Variants in NTM observed in about 807,000 individuals in gnomAD.
NTM encodes IgLON family member 2.
A neutral mutation model predicts 42.1 loss-of-function variants in NTM; 13 were observed. The observed-to-expected ratio is 0.31, with a 90% CI of 0.20 to 0.49. The LOEUF (loss-of-function observed/expected upper bound fraction) is 0.49. NTM is among the 20% of genes least tolerant of loss of function. The pLI, the probability that NTM is intolerant of heterozygous loss-of-function variation, is 0.99. For synonymous variants in NTM, 187 were observed against 179.2 expected, an observed-to-expected ratio of 1.04 and a Z score of -0.35; for missense variants, 373 against 452.8, an observed-to-expected ratio of 0.82 and a Z score of 1.60.
intron 1 of NTM, among the ~76,000 whole-genome samples, chr11:131,522,519 T>A (rs1379377622): frequency 6.6e-6 from 1 of 152,224 alleles, no homozygotes. Context: ...TATGTGTTTC[T>A]GTAAAACAGA....
At chr11:131,831,766 C>T (rs1275549303) in intron 1 of NTM, among the ~76,000 whole-genome samples, 1 of 151,992 alleles carries the variant, frequency 6.6e-6, no homozygotes, top group Non-Finnish European at 1.5e-5. Flanking sequence ...GATACTTTGA[C>T]TTTGGATCTA....
intron 2 of NTM, among the ~76,000 whole-genome samples, chr11:132,064,455 C>A (rs1790170): frequency 0.67 from 101,209 of 152,014 alleles, 34,956 homozygotes; most frequent in African/African-American, 0.82. Flanking sequence ...TATGTCAAAC[C>A]CAATCTCTCA....
intron 4 of NTM, among the ~76,000 whole-genome samples, chr11:132,234,242 G>T (rs909354521): frequency 2.6e-5 from 4 of 152,144 alleles, no homozygotes; most frequent in African/African-American, 4.8e-5. Context: ...TGGTTGCTTT[G>T]TTTCTGTAGC....
chr11:131,370,980 G>A (rs1941087590), intron 1 of NTM, 92 bp downstream of exon 1: 1 of 1,574,580 alleles, frequency 6.4e-7, no homozygotes, highest in Admixed American at 1.9e-5. Flanking sequence ...CGGCTGTGCT[G>A]CGCTGTTTGC....
At chr11:131,940,574 CTG>C (rs1227858738) in intron 2 of NTM, among the ~76,000 whole-genome samples, 3 of 152,184 alleles carry the variant, frequency 2.0e-5, no homozygotes, top group African/African-American at 2.4e-5. Flanking sequence ...TCCAGTTAAC[CTG>C]AGCTAGAGAC....
intron 1 of NTM, among the ~76,000 whole-genome samples, chr11:131,551,632 G>A (rs2054683175): frequency 1.3e-5 from 2 of 152,172 alleles, no homozygotes; most frequent in Admixed American, 6.5e-5. Context: ...ACATCCTTGT[G>A]TATGTTCAAG....
chr11:131,591,240 A>C (rs544351375), intron 1 of NTM, among the ~76,000 whole-genome samples: 120 of 152,328 alleles, frequency 7.9e-4, no homozygotes, highest in African/African-American at 2.8e-3. Flanking sequence ...TCGCAGAACC[A>C]GAAGGCTCAG....
chr11:132,048,906 G>A (rs1289707065), intron 2 of NTM, among the ~76,000 whole-genome samples: 2 of 151,422 alleles, frequency 1.3e-5, no homozygotes, highest in Admixed American at 6.6e-5. Flanking sequence ...TGCTGGATCG[G>A]GGCTTCTGAA....
At chr11:131,694,907 TCGCTCA>T (rs2075249218) in intron 1 of NTM, among the ~76,000 whole-genome samples, 1 of 152,114 alleles carries the variant, frequency 6.6e-6, no homozygotes, top group Admixed American at 6.5e-5. Context: ...CCCTTGGGAC[TCGCTCA>T]GCGCCCTCGC....
intron 1 of NTM, among the ~76,000 whole-genome samples, chr11:131,768,764 ATTG>A (rs1008664585): frequency 6.6e-6 from 1 of 152,140 alleles, no homozygotes; most frequent in Non-Finnish European, 1.5e-5. Flanking sequence ...TGGGAACTCT[ATTG>A]TTATTATTAT....
intron 2 of NTM, among the ~76,000 whole-genome samples, chr11:131,921,912 A>G (rs2057279675): frequency 6.6e-6 from 1 of 152,008 alleles, no homozygotes; most frequent in South Asian, 2.1e-4. Flanking sequence ...ATCGTTTTCT[A>G]GATTCATATC....
intron 6 of NTM, among the ~76,000 whole-genome samples, chr11:132,311,768 T>G (rs1229415065): frequency 6.6e-6 from 1 of 151,512 alleles, no homozygotes; most frequent in African/African-American, 2.4e-5. Context: ...ATAGAAAAAA[T>G]ACATATAAGG....
At chr11:132,206,906 A>G (rs955837288) in intron 3 of NTM, among the ~76,000 whole-genome samples, 2 of 152,038 alleles carry the variant, frequency 1.3e-5, no homozygotes, top group African/African-American at 4.8e-5. Flanking sequence ...ATCATACACA[A>G]TTTTCCAACA....
At chr11:131,953,447 A>T (rs183962140) in intron 2 of NTM, among the ~76,000 whole-genome samples, 1 of 152,260 alleles carries the variant, frequency 6.6e-6, no homozygotes, top group East Asian at 1.9e-4. Context: ...TTGAGAACAG[A>T]CCCTTGAAGA....
chr11:131,829,229 G>T (rs79228896), intron 1 of NTM, among the ~76,000 whole-genome samples: 2,455 of 152,188 alleles, frequency 0.016, 72 homozygotes, highest in African/African-American at 0.056. Context: ...TACATGTCCA[G>T]GTTTGTTACT....
chr11:131,497,257 C>A (rs978888514), intron 1 of NTM, among the ~76,000 whole-genome samples: 2 of 152,146 alleles, frequency 1.3e-5, no homozygotes, highest in Non-Finnish European at 2.9e-5. Flanking sequence ...GGTGCGATCT[C>A]GGCCCACTGC....
rs200410429 is a variant in NTM, at chr11:131,424,889, A to AT, written c.82+54009dup. On this transcript the variant is annotated intron_variant, in intron 1 of 8. Coordinates refer to ENST00000683400, the MANE Select transcript of NTM (RefSeq NM_001352005.2). ...CAGCTTTTTTTTTTTTTATTTTTTT[A>AT]TTTTTTTTGAGACAGAGTCTCGCTC... Among the ~76,000 whole-genome samples the AT allele has an allele frequency of 9.5e-3, 1,213 of 127,072 alleles. 15 individuals are homozygous for AT. Among genetic ancestry groups the AT allele is most frequent in the African/African-American group, 0.034 (1,141 of 33,554 alleles). 83.4% of individuals were successfully genotyped at this position (127,072 alleles called of 152,430 possible).
intron 2 of NTM, among the ~76,000 whole-genome samples, 197 bp downstream of exon 2, chr11:131,911,845 C>A (rs2055105019): frequency 6.6e-6 from 1 of 152,100 alleles, no homozygotes; most frequent in Non-Finnish European, 1.5e-5. Context: ...GAGGTTCTGG[C>A]GGTGAGCTTT....
chr11:131,618,763 G>T (rs2062213735), intron 1 of NTM, among the ~76,000 whole-genome samples: 1 of 152,200 alleles, frequency 6.6e-6, no homozygotes, highest in Non-Finnish European at 1.5e-5. Flanking sequence ...GGAAGCAGAA[G>T]GCTTAGAACA....
Sources: gnomAD v4.1 joint callset for allele counts (sites outside exome capture counted in the v4.1 genomes callset) on GRCh38, gnomAD v4.1.1 for gene constraint, MANE v1.5 for transcripts, NCBI Gene and HGNC (gene_info 2026-07-23, HGNC 2026-07-21) for gene names.